The following TIAM2 variants were observed in gnomAD, a reference collection of about 807,000 sequenced individuals.
The protein encoded by TIAM2 is rho guanine nucleotide exchange factor TIAM2.
A neutral mutation model predicts 152.9 loss-of-function variants in TIAM2; 80 were observed. That is an observed-to-expected ratio of 0.52 (90% CI 0.44 to 0.63). The LOEUF (loss-of-function observed/expected upper bound fraction) is 0.63, where lower values mean the gene tolerates loss of function less well. TIAM2 is among the 30% of genes least tolerant of loss of function. The probability of loss-of-function intolerance (pLI) is 0.00; values close to 1 mark genes in which losing one functional copy is unlikely to be tolerated. For synonymous variants in TIAM2, 804 were observed against 838.0 expected, an observed-to-expected ratio of 0.96 and a Z score of 0.70; for missense variants, 1,965 against 2,120.1, an observed-to-expected ratio of 0.93 and a Z score of 1.44.
intron 1 of TIAM2, among the ~76,000 whole-genome samples, chr6:155,046,075 G>A (rs558196344): frequency 2.0e-5 from 3 of 151,748 alleles, no homozygotes; most frequent in Admixed American, 6.6e-5. Context: ...CTTTAACTCC[G>A]AGTTTGACAC....
chr6:155,111,518 C>T (rs1195439821), intron 2 of TIAM2, among the ~76,000 whole-genome samples: 1 of 152,184 alleles, frequency 6.6e-6, no homozygotes, highest in African/African-American at 2.4e-5. Context: ...AACACAGTGA[C>T]ATGCAGGTAA....
At chr6:155,228,811 C>T (rs898196546) in intron 15 of TIAM2, among the ~76,000 whole-genome samples, 5 of 152,152 alleles carry the variant, frequency 3.3e-5, no homozygotes, top group African/African-American at 1.2e-4. Context: ...CTCCTGTTCC[C>T]ACCGCTCTGG....
intron 15 of TIAM2, among the ~76,000 whole-genome samples, chr6:155,234,142 G>A (rs1782618483): frequency 6.6e-6 from 1 of 152,012 alleles, no homozygotes; most frequent in Non-Finnish European, 1.5e-5. Flanking sequence ...GGCCTGTGAT[G>A]GACCCAAGTT....
At chr6:154,996,697 G>A (rs919880531) in intron 1 of TIAM2, among the ~76,000 whole-genome samples, 1 of 152,128 alleles carries the variant, frequency 6.6e-6, no homozygotes, top group Non-Finnish European at 1.5e-5. Context: ...TTTATAATTT[G>A]GGCTTAACCA....
chr6:155,211,128 G>A lies in TIAM2; in HGVS notation c.3065-76G>A, dbSNP rs528431177. ...TTGTTTTCTTCTTTCCTTTCTCCAT[G>A]TGAGCCTTTAAACCGGGTGTTATTA... is the stretch of plus-strand genomic sequence containing the variant. On this transcript the variant is annotated intron_variant, in intron 14 of 26. Transcript: ENST00000682666. The A allele has an allele frequency of 5.3e-6, 7 of 1,323,210 alleles. No homozygotes were observed. In the East Asian group the frequency reaches 1.5e-4, roughly 29 times the overall value. The allele number at this position is 1,323,210 out of a possible 1,614,324, so 82.0% of individuals were successfully genotyped here.
Position 155,256,813 on chromosome 6 carries a change from GACCCAGACGTTC to G in TIAM2, c.4803_4814del (p.Asp1602_Pro1605del), listed in dbSNP as rs777128748. 7.4e-6 allele frequency: 12 copies of G among 1,614,056 alleles called. No individual in the cohort carries two copies. In the African/African-American group the frequency reaches 1.2e-4, roughly 16 times the overall value. ...GTTCCAGAGACTGAGGATTTCCGAG[GACCCAGACGTTC>G]ACCCCGAGGCTGAGCAGCAGCCTGG... On this transcript the variant is annotated inframe_deletion, in exon 27 of 27. Transcript: ENST00000682666.
rs543355919 is a variant in TIAM2 at position 155,145,315 on chromosome 6, A to G, written c.1803+537A>G. ...TTTCAGTGACTTTTTAGCCAGTGAG[A>G]TGTTGTAGAACATGGCGGTACTGAG... On this transcript the variant is annotated intron_variant, in intron 6 of 26. Transcript: ENST00000682666. Among the ~76,000 whole-genome samples the G allele has an allele frequency of 2.6e-5, 4 of 152,204 alleles. No homozygotes were observed. The South Asian group carries it at 8.3e-4, about 32-fold the overall frequency.
intron 1 of TIAM2, among the ~76,000 whole-genome samples, chr6:155,078,407 T>C (rs886162035): frequency 3.9e-4 from 59 of 152,202 alleles, no homozygotes; most frequent in African/African-American, 1.4e-3. Context: ...CTGCCAGCAT[T>C]AGGCATCCTT....
chr6:154,997,867 A>G (rs1350040332), intron 1 of TIAM2, among the ~76,000 whole-genome samples: 1 of 151,902 alleles, frequency 6.6e-6, no homozygotes, highest in African/African-American at 2.4e-5. Context: ...CAAACACCTG[A>G]GCTCAAGTGA....
chr6:155,140,540 G>A (rs1415298788), intron 5 of TIAM2, among the ~76,000 whole-genome samples: 2 of 151,218 alleles, frequency 1.3e-5, no homozygotes, highest in Admixed American at 1.3e-4. Context: ...CTGGGAGGCA[G>A]GGTGACTGTG....
At position 155,179,416 on chromosome 6, in the gene TIAM2, T is replaced by C. The variant is rs1780839323; in HGVS notation, c.2667T>C (p.Tyr889=). The C allele has an allele frequency of 6.2e-7, 1 of 1,613,718 alleles. No individual in the cohort carries two copies. The highest frequency in any genetic ancestry group is 1.3e-5 in the African/African-American group (1 of 74,910). ...TAGAAGTCTTTCCACTAAATGTTTATGACGTGCAGCTCACGAAGACTGGGA... is the reference window on the plus strand; with the variant it reads ...TAGAAGTCTTTCCACTAAATGTTTACGACGTGCAGCTCACGAAGACTGGGA... ...DEIEVFPLNV[Y]DVQLTKTGSV... is the part of the protein sequence containing the mutation. Residue 889 remains tyrosine, a synonymous_variant, in exon 12 of 27, where the codon TAT becomes TAC. Coordinates refer to ENST00000682666, the MANE Select transcript of TIAM2 (RefSeq NM_012454.4).
intron 1 of TIAM2, among the ~76,000 whole-genome samples, chr6:155,074,654 G>C (rs961136709): frequency 2.0e-5 from 3 of 152,108 alleles, no homozygotes; most frequent in Non-Finnish European, 4.4e-5. Context: ...AGCCTGTAAC[G>C]ATAAGTTTAT....
In TIAM2 at chr6:155,244,747, T is replaced by C; in HGVS notation, c.3507T>C (p.Ser1169=). 1.2e-6 allele frequency: 2 copies of C among 1,614,050 alleles called. No individual in the cohort carries two copies. The highest frequency in any genetic ancestry group is 1.7e-6 in the Non-Finnish European group (2 of 1,179,958). Residue 1169 remains serine (S), a synonymous_variant, in exon 18 of 27, where the codon TCT becomes TCC. Coordinates refer to ENST00000682666, the MANE Select transcript of TIAM2 (RefSeq NM_012454.4). ...ETLEDGISAS[S]DFNTLETPSQ... ...TGGAGGATGGGATTTCAGCATCATC[T>C]GACTTTAACACCCTAGAAACCCCCT...
intron 7 of TIAM2, among the ~76,000 whole-genome samples, chr6:155,153,636 T>TTC (rs1442644403): frequency 6.8e-6 from 1 of 147,076 alleles, no homozygotes; most frequent in Admixed American, 6.8e-5. Flanking sequence ...TTTTTTTTTT[T>TTC]TTTTTGACAG....
Position 155,148,219 on chromosome 6 carries a change from A to G in TIAM2, c.1913A>G (p.Asn638Ser). Residue 638 changes from asparagine to serine, a missense_variant, in exon 7 of 27, where the codon AAC becomes AGC. Physicochemically the swap from Asn to Ser is conservative, Grantham distance 46. Transcript: ENST00000682666. Reference protein sequence around the residue: ...GKEDTLRLLKNQTKNLLQKID... With the variant: ...GKEDTLRLLKSQTKNLLQKID... ...GAGGACACGCTGCGGCTGCTGAAGA[A>G]CCAGACCAAAAACCTGCTTCAGAAG... 1 of 1,613,174 alleles carries G rather than the reference A, an allele frequency of 6.2e-7. No individual in the cohort carries two copies. The highest frequency in any genetic ancestry group is 8.5e-7 in the Non-Finnish European group (1 of 1,180,016).
rs1373348344 is a variant in TIAM2 at position 155,156,556 on chromosome 6, G to A, written c.2029-7859G>A. 6.6e-6 allele frequency among the ~76,000 whole-genome samples: 1 copy of A among 152,172 alleles called. No homozygotes were observed. The highest frequency in any genetic ancestry group is 1.5e-5 in the Non-Finnish European group (1 of 68,030). On this transcript the variant is annotated intron_variant, in intron 7 of 26. Coordinates refer to ENST00000682666, the MANE Select transcript of TIAM2 (RefSeq NM_012454.4). The surrounding 1 kb of genome is among the most constrained non-coding windows in gnomAD (Gnocchi z 4.4). ...ACCTGTAATCCCAGCTACTCGGGAGGCTGAGGCAGGAGAATCGCTTGAACC... is the reference window on the plus strand; with the variant it reads ...ACCTGTAATCCCAGCTACTCGGGAGACTGAGGCAGGAGAATCGCTTGAACC...
chr6:155,094,224 T>A (rs1231761254), intron 2 of TIAM2, among the ~76,000 whole-genome samples: 1 of 152,012 alleles, frequency 6.6e-6, no homozygotes. Context: ...GCCTTTTGGT[T>A]GGGTCATGCG....
At chr6:155,027,891 C>T (rs1776644495) in intron 1 of TIAM2, among the ~76,000 whole-genome samples, 1 of 87,408 alleles carries the variant, frequency 1.1e-5, no homozygotes, top group African/African-American at 5.9e-5. Flanking sequence ...TACTGTGTTA[C>T]ATATATACTA....
intron 15 of TIAM2, among the ~76,000 whole-genome samples, chr6:155,212,313 A>G (rs1014210127): frequency 6.6e-6 from 1 of 152,198 alleles, no homozygotes; most frequent in African/African-American, 2.4e-5. Flanking sequence ...CCCAGCGGCA[A>G]TGCAGGAGGC....
Sources: gnomAD v4.1 joint callset for allele counts (sites outside exome capture counted in the v4.1 genomes callset) on GRCh38, gnomAD v4.1.1 for gene constraint, Gnocchi (gnomAD v3.1) non-coding constraint, MANE v1.5 for transcripts, NCBI Gene and HGNC (gene_info 2026-07-23, HGNC 2026-07-21) for gene names.